Variants in DIS3L2 observed in about 807,000 individuals in gnomAD.
The protein encoded by DIS3L2 is DIS3-like exonuclease 2.
A neutral mutation model predicts 97.5 loss-of-function variants in DIS3L2; 34 were observed. The ratio of observed to expected loss-of-function variants is 0.35; its 90% CI spans 0.27 to 0.46. The LOEUF (loss-of-function observed/expected upper bound fraction) is 0.46, where lower values mean the gene tolerates loss of function less well. Among genes scored for constraint, DIS3L2 ranks in the 20% least tolerant of loss-of-function variants. The pLI, the probability that DIS3L2 is intolerant of heterozygous loss-of-function variation, is 1.00. For missense variants in DIS3L2, 1,038 were observed against 1,146.0 expected (o/e 0.91, Z 1.36); for synonymous variants, 435 against 445.2 (o/e 0.98, Z 0.29).
intron 1 of DIS3L2, among the ~76,000 whole-genome samples, chr2:231,977,508 C>G (rs1693132219): frequency 6.6e-6 from 1 of 152,168 alleles, no homozygotes; most frequent in Admixed American, 6.5e-5. Context: ...AGGATCCTGC[C>G]TCAGCTTAAG....
At chr2:232,331,756 C>T (rs1320697420) in intron 16 of DIS3L2, 2 of 152,246 alleles carry the variant, frequency 1.3e-5, no homozygotes, top group African/African-American at 2.4e-5. Context: ...CCTCCCATGT[C>T]CCTGCCTCTG....
At chr2:232,145,000 C>G (rs1466061019) in intron 8 of DIS3L2, among the ~76,000 whole-genome samples, 1 of 152,174 alleles carries the variant, frequency 6.6e-6, no homozygotes, top group East Asian at 1.9e-4. Context: ...AGGCATCTGC[C>G]ATGATTCCTA....
chr2:232,141,510 G>C lies in DIS3L2; in HGVS notation c.950+4791G>C, dbSNP rs150553010. On this transcript the variant is annotated intron_variant, in intron 8 of 20. Transcript: ENST00000325385. ...GAGGAAAAATGAATAGGTCATTACAGGCTGAGAAGTTCTTGGTTGAACATG... is the reference window on the plus strand; with the variant it reads ...GAGGAAAAATGAATAGGTCATTACACGCTGAGAAGTTCTTGGTTGAACATG... Among the ~76,000 whole-genome samples the C allele has an allele frequency of 3.4e-3, 513 of 152,206 alleles. 8 individuals carry two copies. The highest frequency in any genetic ancestry group is 0.011 in the African/African-American group (477 of 41,544).
intron 5 of DIS3L2, among the ~76,000 whole-genome samples, chr2:232,034,376 T>TCTA (rs2106244664): frequency 6.6e-6 from 1 of 152,102 alleles, no homozygotes; most frequent in Non-Finnish European, 1.5e-5. Context: ...CATTAGGCTG[T>TCTA]CTACTGGTCT....
intron 10 of DIS3L2, among the ~76,000 whole-genome samples, chr2:232,212,617 G>GT (rs1692222249): frequency 6.6e-6 from 1 of 152,194 alleles, no homozygotes; most frequent in Non-Finnish European, 1.5e-5. Flanking sequence ...ACCAAATAGT[G>GT]TTTTTTGTTT....
intron 9 of DIS3L2, among the ~76,000 whole-genome samples, chr2:232,186,581 G>A (rs1295939810): frequency 6.6e-6 from 1 of 152,156 alleles, no homozygotes; most frequent in African/African-American, 2.4e-5. Flanking sequence ...AAACCAGACA[G>A]AGATCATATC....
chr2:232,148,714 A>C (rs1195764243), intron 8 of DIS3L2, among the ~76,000 whole-genome samples: 4 of 150,770 alleles, frequency 2.7e-5, no homozygotes, highest in Non-Finnish European at 4.4e-5. Context: ...GCTCCAAAAA[A>C]GATGAAAAAT....
At chr2:232,139,017 ACTT>A (rs1340820233) in intron 8 of DIS3L2, among the ~76,000 whole-genome samples, 1 of 152,228 alleles carries the variant, frequency 6.6e-6, no homozygotes, top group African/African-American at 2.4e-5. Context: ...TGGATTCGTT[ACTT>A]AAGGAACTTA....
intron 19 of DIS3L2, chr2:232,335,566 G>GC (rs1695916441): frequency 1.7e-6 from 1 of 602,986 alleles, no homozygotes; most frequent in Non-Finnish European, 3.0e-6. Flanking sequence ...GGCCTTCCCA[G>GC]CCCCCACCCC....
chr2:232,328,618 C>CGGG (rs1011544406), intron 14 of DIS3L2: 69 of 152,242 alleles, frequency 4.5e-4, no homozygotes, highest in African/African-American at 1.5e-3. Flanking sequence ...GCCAGGCCTG[C>CGGG]GGGAGCTTCC....
chr2:232,247,940 T>C (rs1433270096), intron 11 of DIS3L2, among the ~76,000 whole-genome samples: 3 of 152,210 alleles, frequency 2.0e-5, no homozygotes, highest in Admixed American at 6.5e-5. Flanking sequence ...TAAAAGCTGT[T>C]AGCGAAGGCT....
chr2:232,028,971 G>A (rs528399012), intron 4 of DIS3L2, among the ~76,000 whole-genome samples: 1 of 152,262 alleles, frequency 6.6e-6, no homozygotes, highest in East Asian at 1.9e-4. Flanking sequence ...TGTAAAAAAT[G>A]CTGAGTGACT....
At chr2:232,251,053 C>T (rs1353107981) in intron 12 of DIS3L2, among the ~76,000 whole-genome samples, 1 of 152,172 alleles carries the variant, frequency 6.6e-6, no homozygotes, top group Admixed American at 6.5e-5. Context: ...AATAGGGAGG[C>T]TATTACTAAT....
At chr2:232,307,677 C>T (rs1441547361) in intron 14 of DIS3L2, 4 of 152,220 alleles carry the variant, frequency 2.6e-5, no homozygotes, top group Admixed American at 2.6e-4. Context: ...GAGCTACCAT[C>T]TTCTGAGTGC....
intron 1 of DIS3L2, 25 bp from the exon 2 acceptor site, chr2:232,014,810 A>G (rs902790701): frequency 1.8e-5 from 20 of 1,127,020 alleles, no homozygotes; most frequent in Non-Finnish European, 2.5e-5. Flanking sequence ...CCGCTCTCCA[A>G]TTACCAATCT....
At position 232,125,415 on chromosome 2, in the gene DIS3L2, T is replaced by G. The variant is rs575309225; in HGVS notation, c.602-5204T>G. On this transcript the variant is annotated intron_variant, in intron 6 of 20. Transcript: ENST00000325385. ...ATATCTTGATACAGGTTTTCATGGC[T>G]CTTTTCATAGTGCCCAGTTCTTGCT... 3.7e-4 allele frequency among the ~76,000 whole-genome samples: 57 copies of G among 152,284 alleles called. 1 individual carries two copies. The highest frequency in any genetic ancestry group is 3.5e-3 in the Admixed American group (53 of 15,298).
intron 8 of DIS3L2, among the ~76,000 whole-genome samples, chr2:232,153,996 G>A (rs1489776300): frequency 3.5e-5 from 5 of 141,262 alleles, no homozygotes; most frequent in Non-Finnish European, 6.1e-5. Context: ...TGATCGCATC[G>A]GCTCCTGAGG....
chr2:232,225,577 C>T (rs958475872), intron 10 of DIS3L2, among the ~76,000 whole-genome samples: 3 of 151,998 alleles, frequency 2.0e-5, no homozygotes, highest in Admixed American at 2.0e-4. Context: ...AGTGTAAAGA[C>T]TGGGAGGAGG....
intron 5 of DIS3L2, among the ~76,000 whole-genome samples, chr2:232,066,391 C>A (rs1394339211): frequency 6.6e-6 from 1 of 151,874 alleles, no homozygotes; most frequent in Non-Finnish European, 1.5e-5. Flanking sequence ...AGATTCTTTT[C>A]TTTTTCCTGT....
Sources: allele counts gnomAD v4.1 joint callset (sites outside exome capture counted in the v4.1 genomes callset), GRCh38; gene constraint gnomAD v4.1.1; transcripts MANE v1.5; gene names NCBI Gene and HGNC (gene_info 2026-07-23, HGNC 2026-07-21).